Variants in USH2A observed in about 807,000 individuals in gnomAD.
USH2A encodes the protein usherin.
USH2A carries 443 observed loss-of-function variants against 538.9 expected under a neutral mutation model. That is an observed-to-expected ratio of 0.82 (90% CI 0.76 to 0.89). The LOEUF is 0.89. USH2A is among the 40% of genes least tolerant of loss of function. The pLI is 0.00. For synonymous variants in USH2A, 2,413 were observed against 2,273.5 expected (o/e 1.06, Z -1.75); for missense variants, 6,633 against 6,324.8 (o/e 1.05, Z -1.65).
At chr1:216,128,841 C>T (rs2033310594) in intron 21 of USH2A, among the ~76,000 whole-genome samples, 1 of 151,794 alleles carries the variant, frequency 6.6e-6, no homozygotes. Flanking sequence ...ACATTAGATC[C>T]TATTCCTTCT....
At chr1:216,135,500 A>G (rs918640250) in intron 21 of USH2A, among the ~76,000 whole-genome samples, 6 of 152,098 alleles carry the variant, frequency 3.9e-5, no homozygotes, top group Non-Finnish European at 8.8e-5. Context: ...ATTACAATAA[A>G]CTCAGTTGAC....
rs2039533061 is a variant in USH2A, at chr1:216,413,857, G to C, written c.651+4657C>G. Among the ~76,000 whole-genome samples, 11 of 152,194 alleles carry C rather than the reference G, an allele frequency of 7.2e-5. No homozygotes were observed. In the South Asian group the frequency reaches 2.3e-3, roughly 32 times the overall value. On this transcript the variant is annotated intron_variant, in intron 3 of 71. Coordinates refer to ENST00000307340, the MANE Select transcript of USH2A (RefSeq NM_206933.4). Reference sequence around the variant, plus strand: ...TGCAATTCTGCATAATTACTAGAAGGATGACTATACTGATGATTCTTTGAC... The same window carrying C: ...TGCAATTCTGCATAATTACTAGAAGCATGACTATACTGATGATTCTTTGAC...
chr1:216,272,749 GC>G (rs1252937357), intron 11 of USH2A, among the ~76,000 whole-genome samples: 1 of 152,076 alleles, frequency 6.6e-6, no homozygotes, highest in African/African-American at 2.4e-5. Flanking sequence ...TAGTGAGTAG[GC>G]AAAAAGTGAA....
intron 46 of USH2A, among the ~76,000 whole-genome samples, chr1:215,844,062 C>T (rs1161425417): frequency 6.6e-6 from 1 of 152,166 alleles, no homozygotes; most frequent in East Asian, 1.9e-4. Context: ...AGAATTTCAT[C>T]ACCATCCTCA....
At chr1:216,138,330 G>T (rs2033527358) in intron 21 of USH2A, among the ~76,000 whole-genome samples, 1 of 152,110 alleles carries the variant, frequency 6.6e-6, no homozygotes, top group Non-Finnish European at 1.5e-5. Context: ...AAAAAAGAGA[G>T]TTTTAACTCA....
chr1:216,075,639 A>AG (rs151290406), intron 27 of USH2A, among the ~76,000 whole-genome samples: 2,310 of 152,216 alleles, frequency 0.015, 63 homozygotes, highest in African/African-American at 0.053. Context: ...CTCTCCATGG[A>AG]GGGGTTTGGG....
intron 4 of USH2A, among the ~76,000 whole-genome samples, chr1:216,328,778 G>A (rs367708277): frequency 6.6e-6 from 1 of 151,922 alleles, no homozygotes; most frequent in East Asian, 1.9e-4. Context: ...AGCAAAGTGT[G>A]AGACTTAGGA....
At chr1:216,177,416 C>T (rs1280972557) in intron 20 of USH2A, among the ~76,000 whole-genome samples, 1 of 152,136 alleles carries the variant, frequency 6.6e-6, no homozygotes, top group Non-Finnish European at 1.5e-5. Flanking sequence ...AAAAACTGAT[C>T]TAAATGAAAG....
At chr1:216,187,210 A>G (rs1207107248) in intron 20 of USH2A, among the ~76,000 whole-genome samples, 2 of 151,714 alleles carry the variant, frequency 1.3e-5, no homozygotes, top group Admixed American at 1.3e-4. Flanking sequence ...TTCCCATAGC[A>G]TTTTTTTCAC....
intron 16 of USH2A, 98 bp downstream of exon 16, chr1:216,207,175 G>C: frequency 1.4e-6 from 2 of 1,468,776 alleles, no homozygotes; most frequent in Non-Finnish European, 1.9e-6. Context: ...GTGCCAGACA[G>C]AGGAAACCAC....
rs138688931 is a variant in USH2A, at chr1:216,010,927, G to A, written c.6326-10365C>T. Among the ~76,000 whole-genome samples, 1,096 of 151,878 alleles carry A rather than the reference G, an allele frequency of 7.2e-3. 14 individuals carry two copies. The highest frequency in any genetic ancestry group is 0.025 in the African/African-American group (1,038 of 41,390). On this transcript the variant is annotated intron_variant, in intron 32 of 71. Coordinates refer to ENST00000307340, the MANE Select transcript of USH2A (RefSeq NM_206933.4). ...ATACCTCTACTCCCTCCTTGGCGAC[G>A]GATCATGCGCCCCTTAACATCTCAT...
intron 16 of USH2A, among the ~76,000 whole-genome samples, chr1:216,203,268 T>G (rs1397543003): frequency 1.3e-5 from 2 of 151,926 alleles, no homozygotes; most frequent in Non-Finnish European, 2.9e-5. Flanking sequence ...TACATACATA[T>G]ATATGTGTGT....
chr1:215,814,556 G>A (rs1328431595), intron 48 of USH2A, among the ~76,000 whole-genome samples: 1 of 151,972 alleles, frequency 6.6e-6, no homozygotes, highest in Non-Finnish European at 1.5e-5. Context: ...TAGGTCTAAA[G>A]GCGAGTGAGT....
At chr1:216,364,816 A>G (rs2038563231) in intron 4 of USH2A, 137 bp downstream of exon 4, 3 of 1,169,716 alleles carry the variant, frequency 2.6e-6, no homozygotes, top group Non-Finnish European at 3.6e-6. Flanking sequence ...TTAATCTGCC[A>G]TCCAGTTGGT....
intron 8 of USH2A, among the ~76,000 whole-genome samples, chr1:216,323,145 C>A (rs1270845898): frequency 6.6e-6 from 1 of 151,434 alleles, no homozygotes; most frequent in Non-Finnish European, 1.5e-5. Context: ...TATTCCAGAA[C>A]AAATCAAGTA....
At chr1:215,858,048 T>C (rs1301749884) in intron 44 of USH2A, among the ~76,000 whole-genome samples, 1 of 152,174 alleles carries the variant, frequency 6.6e-6, no homozygotes, top group Non-Finnish European at 1.5e-5. Flanking sequence ...ACTTAAAAAC[T>C]ACAATGTGAA....
intron 21 of USH2A, among the ~76,000 whole-genome samples, chr1:216,121,822 A>T (rs1214271529): frequency 6.6e-6 from 1 of 152,230 alleles, no homozygotes. Flanking sequence ...GTAGTGCTTC[A>T]TTATAACAGT....
intron 64 of USH2A, among the ~76,000 whole-genome samples, chr1:215,657,821 C>A (rs79676898): frequency 6.6e-6 from 1 of 152,148 alleles, no homozygotes; most frequent in Non-Finnish European, 1.5e-5. Flanking sequence ...GCTTCTCATA[C>A]CGCCTTGCTC....
rs1036513295 is a variant in USH2A at position 215,623,903 on chromosome 1, T to C, written c.*1878A>G. On this transcript the variant is annotated 3_prime_UTR_variant, in exon 72 of 72. Coordinates refer to ENST00000307340, the MANE Select transcript of USH2A (RefSeq NM_206933.4). ...ATTCTTTGTGACTAGCAAACTGTAT[T>C]CTTAGAAGAGTCCACCAAGGATTAG... is the stretch of plus-strand genomic sequence containing the variant. The C allele has an allele frequency of 6.6e-6, 1 of 152,156 alleles. No individual in the cohort carries two copies. Among genetic ancestry groups the C allele is most frequent in the Non-Finnish European group, 1.5e-5 (1 of 68,018 alleles). 9.4% of individuals were successfully genotyped at this position (152,156 alleles called of 1,614,324 possible).
Sources: gnomAD v4.1 joint callset for allele counts (sites outside exome capture counted in the v4.1 genomes callset) on GRCh38, gnomAD v4.1.1 for gene constraint, MANE v1.5 for transcripts, NCBI Gene and HGNC (gene_info 2026-07-23, HGNC 2026-07-21) for gene names.